SLC7A14: variants seen among roughly 807,000 people sequenced by gnomAD.
SLC7A14 encodes the protein gamma-aminobutyric acid transporter SLC7A14.
A neutral mutation model predicts 60.2 loss-of-function variants in SLC7A14; 37 were observed. That is an observed-to-expected ratio of 0.61 (90% CI 0.47 to 0.81). The LOEUF (loss-of-function observed/expected upper bound fraction) is 0.81, where lower values mean the gene tolerates loss of function less well. Among genes scored for constraint, SLC7A14 ranks in the 30% least tolerant of loss-of-function variants. SLC7A14 has a pLI of 0.00. For synonymous variants in SLC7A14, 399 were observed against 395.8 expected (o/e 1.01, Z -0.10); for missense variants, 886 against 982.7 (o/e 0.90, Z 1.32).
rs898982859 is a variant in SLC7A14, at chr3:170,480,602, C to T, written c.1680G>A (p.Ala560=). 9.3e-6 allele frequency: 15 copies of T among 1,614,096 alleles called. No individual in the cohort carries two copies. The highest frequency in any genetic ancestry group is 3.3e-4 in the Middle Eastern group (2 of 6,084). ...CGCAGATGGTCACCGTGTGCCCCGT[C>T]GCTGCTGTGGGCCGGTCCATTTTGC... is the stretch of plus-strand genomic sequence containing the variant. ...LPGKMDRPTA[A]TGHTVTICVL... Residue 560 remains alanine, a synonymous_variant, in exon 7 of 8, where the codon GCG becomes GCA. Transcript: ENST00000231706.
intron 1 of SLC7A14, among the ~76,000 whole-genome samples, chr3:170,529,437 C>G (rs1268505168): frequency 6.6e-6 from 1 of 152,120 alleles, no homozygotes; most frequent in Non-Finnish European, 1.5e-5. Flanking sequence ...AGAAAATTGG[C>G]CTGTTGCTTT....
At chr3:170,573,056 C>T (rs768372039) in intron 1 of SLC7A14, among the ~76,000 whole-genome samples, 6 of 152,178 alleles carry the variant, frequency 3.9e-5, no homozygotes, top group Non-Finnish European at 7.3e-5. Flanking sequence ...TGACTGTTTT[C>T]TGTAGTGAGA....
chr3:170,481,088 G>A lies in SLC7A14; in HGVS notation c.1194C>T (p.Leu398=), dbSNP rs999783560. 8 of 1,613,998 alleles carry A rather than the reference G, an allele frequency of 5.0e-6. No individual in the cohort carries two copies. Among genetic ancestry groups the A allele is most frequent in the African/African-American group, 1.3e-5 (1 of 74,888 alleles). The change falls in exon 7 of 8, where the codon CTC becomes CTT. Residue 398 remains leucine, a synonymous_variant. Coordinates refer to ENST00000231706, the MANE Select transcript of SLC7A14 (RefSeq NM_020949.3). ...GGTCTCTCAAGCTGACCAACAGTGC[G>A]AGGAGCGCTGCCAGGAACCCCGACA... The part of the protein sequence containing the change: ...CIVSGFLAAL[L]ALLVSLRDLI...
At chr3:170,542,534 C>G (rs1157142680) in intron 1 of SLC7A14, among the ~76,000 whole-genome samples, 1 of 152,192 alleles carries the variant, frequency 6.6e-6, no homozygotes, top group African/African-American at 2.4e-5. Flanking sequence ...CTGAGGTCAT[C>G]AACAGCTACC....
chr3:170,574,537 A>T (rs1433824422), intron 1 of SLC7A14, among the ~76,000 whole-genome samples: 1 of 152,214 alleles, frequency 6.6e-6, no homozygotes, highest in Non-Finnish European at 1.5e-5. Flanking sequence ...CTTCCTGAGC[A>T]CACTGTTTCC....
Position 170,481,045 on chromosome 3 carries a change from T to C in SLC7A14, c.1237A>G (p.Ile413Val), listed in dbSNP as rs201447154. ...SLRDLIEMMS[I>V]GTLLAYTLVS... ...AAGGTGTAGGCCAGGAGCGTGCCGATAGACATCATCTCTATCAGGTCTCTC... is the reference window on the plus strand; with the variant it reads ...AAGGTGTAGGCCAGGAGCGTGCCGACAGACATCATCTCTATCAGGTCTCTC... Residue 413 changes from isoleucine (I) to valine (V), a missense_variant, in exon 7 of 8, where the codon ATC becomes GTC. By Grantham distance (29) the Ile-to-Val change is conservative (BLOSUM62 3). Coordinates refer to ENST00000231706, the MANE Select transcript of SLC7A14 (RefSeq NM_020949.3). 3.0e-5 allele frequency: 49 copies of C among 1,614,120 alleles called. No individual in the cohort carries two copies. The highest frequency in any genetic ancestry group is 6.6e-5 in the South Asian group (6 of 91,076).
intron 1 of SLC7A14, among the ~76,000 whole-genome samples, chr3:170,584,563 G>A (rs1238396676): frequency 6.6e-6 from 1 of 152,158 alleles, no homozygotes; most frequent in Non-Finnish European, 1.5e-5. Flanking sequence ...GAGTCCTGGG[G>A]AAGCAGAAAA....
intron 2 of SLC7A14, among the ~76,000 whole-genome samples, chr3:170,515,055 G>C (rs6801578): frequency 0.011 from 1,740 of 152,224 alleles, 19 homozygotes; most frequent in Non-Finnish European, 0.019. Flanking sequence ...GCTCATGCCT[G>C]TAATCCCAGC....
At position 170,507,363 on chromosome 3, in the gene SLC7A14, T is replaced by C. The variant is rs1421653472; in HGVS notation, c.305-6018A>G. Reference sequence around the variant, plus strand: ...AGAGTTTAATAAACAGCTGATTCCATGTGGCCAGTATTTAATACTATTGAG... The same window carrying C: ...AGAGTTTAATAAACAGCTGATTCCACGTGGCCAGTATTTAATACTATTGAG... On this transcript the variant is annotated intron_variant, in intron 2 of 7. Coordinates refer to ENST00000231706, the MANE Select transcript of SLC7A14 (RefSeq NM_020949.3). 2.0e-5 allele frequency among the ~76,000 whole-genome samples: 3 copies of C among 152,192 alleles called. No individual in the cohort carries two copies. The East Asian group carries it at 5.8e-4, about 29-fold the overall frequency.
At chr3:170,472,551 G>A (rs1402147583) in intron 7 of SLC7A14, among the ~76,000 whole-genome samples, 2 of 152,042 alleles carry the variant, frequency 1.3e-5, no homozygotes, top group Non-Finnish European at 2.9e-5. Context: ...GGATCACGAG[G>A]TCAGGAGATC....
At chr3:170,574,860 T>G (rs1715048207) in intron 1 of SLC7A14, among the ~76,000 whole-genome samples, 1 of 152,192 alleles carries the variant, frequency 6.6e-6, no homozygotes. Flanking sequence ...TCAGGGAATC[T>G]AGTCACCGTA....
chr3:170,486,988 G>A (rs1318782727), intron 4 of SLC7A14, among the ~76,000 whole-genome samples: 1 of 150,854 alleles, frequency 6.6e-6, no homozygotes, highest in African/African-American at 2.4e-5. Flanking sequence ...TCAGCTCTAT[G>A]GTAACTTCCA....
chr3:170,545,043 A>ATTTAAT (rs1475997670), intron 1 of SLC7A14, among the ~76,000 whole-genome samples: 1 of 152,230 alleles, frequency 6.6e-6, no homozygotes, highest in Non-Finnish European at 1.5e-5. Flanking sequence ...TTACATTTAA[A>ATTTAAT]TTTAATTTTA....
intron 1 of SLC7A14, among the ~76,000 whole-genome samples, chr3:170,541,016 G>A (rs1335930832): frequency 1.3e-5 from 2 of 152,112 alleles, no homozygotes; most frequent in Non-Finnish European, 2.9e-5. Flanking sequence ...CATGGCAAAG[G>A]TTAAAAAAAT....
intron 7 of SLC7A14, among the ~76,000 whole-genome samples, chr3:170,474,870 C>A (rs916749527): frequency 2.0e-5 from 3 of 152,180 alleles, no homozygotes; most frequent in African/African-American, 7.2e-5. Flanking sequence ...TCCTACATGG[C>A]AAATCCTATG....
At chr3:170,547,585 T>C (rs1407467515) in intron 1 of SLC7A14, among the ~76,000 whole-genome samples, 1 of 152,134 alleles carries the variant, frequency 6.6e-6, no homozygotes, top group Middle Eastern at 3.2e-3. Flanking sequence ...TGGATCATCA[T>C]AAATATTTTC....
chr3:170,572,043 A>G (rs1245242510), intron 1 of SLC7A14, among the ~76,000 whole-genome samples: 2 of 144,868 alleles, frequency 1.4e-5, no homozygotes, highest in African/African-American at 2.5e-5. Context: ...CCTGGGCAAT[A>G]GAGGGAGACT....
At chr3:170,526,010 G>A (rs890511410) in intron 2 of SLC7A14, among the ~76,000 whole-genome samples, 15 of 152,026 alleles carry the variant, frequency 9.9e-5, no homozygotes, top group African/African-American at 3.6e-4. Flanking sequence ...CCGGGAGGTG[G>A]AGGTTGCAGT....
rs550318914 is a variant in SLC7A14, at chr3:170,510,179, C to T, written c.305-8834G>A. On this transcript the variant is annotated intron_variant, in intron 2 of 7. Transcript: ENST00000231706. ...CTGAGGCAGGCAGATCACCTGAGGT[C>T]AGGAGTTCGAGATCAGCCTGGCCAA... 2.6e-5 allele frequency among the ~76,000 whole-genome samples: 4 copies of T among 151,492 alleles called. No individual in the cohort carries two copies. The South Asian group carries it at 8.4e-4, about 32-fold the overall frequency.
Sources: gnomAD v4.1 joint callset for allele counts (sites outside exome capture counted in the v4.1 genomes callset) on GRCh38, gnomAD v4.1.1 for gene constraint, MANE v1.5 for transcripts, NCBI Gene and HGNC (gene_info 2026-07-23, HGNC 2026-07-21) for gene names.